PREX1: variants seen among roughly 807,000 people sequenced by gnomAD.
PREX1 encodes the protein phosphatidylinositol 3,4,5-trisphosphate-dependent Rac exchanger 1 protein.
In PREX1, 41 loss-of-function variants were observed where a neutral mutation model predicts 198.3. The observed-to-expected ratio is 0.21, with a 90% CI of 0.16 to 0.27. The LOEUF is 0.27. PREX1 is among the 10% of genes least tolerant of loss of function. PREX1 has a pLI of 1.00. For missense variants in PREX1, 1,620 were observed against 2,200.7 expected (o/e 0.74, Z 5.28); for synonymous variants, 843 against 887.2 (o/e 0.95, Z 0.89).
chr20:48,858,661 T>A, the PREX1 span, among the ~76,000 whole-genome samples: 1 of 152,142 alleles, frequency 6.6e-6, no homozygotes, highest in East Asian at 1.9e-4. Flanking sequence ...ACAGACAGGA[T>A]CCCAGGGTGA....
intron 13 of PREX1, among the ~76,000 whole-genome samples, chr20:48,679,145 T>G (rs2089729406): frequency 6.6e-6 from 1 of 152,184 alleles, no homozygotes; most frequent in Non-Finnish European, 1.5e-5. Flanking sequence ...GCTCAGTCTG[T>G]CTGGCTCCAG....
intron 3 of PREX1, among the ~76,000 whole-genome samples, chr20:48,741,951 GA>G (rs2090084227): frequency 6.6e-6 from 1 of 152,212 alleles, no homozygotes; most frequent in South Asian, 2.1e-4. Flanking sequence ...GGGCTGTGGG[GA>G]TTTTATTCCA....
intron 25 of PREX1, 123 bp downstream of exon 25, chr20:48,649,177 G>T: frequency 7.4e-7 from 1 of 1,346,524 alleles, no homozygotes. Context: ...CTGCTAAATA[G>T]CCTATAATGT....
intron 7 of PREX1, 136 bp downstream of exon 7, chr20:48,700,617 C>G: frequency 8.5e-7 from 1 of 1,173,286 alleles, no homozygotes; most frequent in Non-Finnish European, 1.2e-6. Flanking sequence ...CATTGTATTC[C>G]TACTAGACAG....
At chr20:48,658,105 C>A (rs777093236) in intron 17 of PREX1, 31 bp downstream of exon 17, 2 of 1,596,462 alleles carry the variant, frequency 1.3e-6, no homozygotes, top group Admixed American at 1.7e-5. Context: ...CACCTGCACA[C>A]GGTCCCTGCC....
chr20:48,677,190 G>C (rs1299420102), intron 13 of PREX1, among the ~76,000 whole-genome samples: 2 of 152,168 alleles, frequency 1.3e-5, no homozygotes. Context: ...TTCCTTCTTT[G>C]AGGCTGGCCA....
chr20:48,732,394 T>A (rs2090038221), intron 4 of PREX1, among the ~76,000 whole-genome samples: 1 of 151,458 alleles, frequency 6.6e-6, no homozygotes. Flanking sequence ...TATTTTATAG[T>A]TTAGCACTCT....
At chr20:48,821,819 C>T (rs920426328) in intron 1 of PREX1, 1 of 152,218 alleles carries the variant, frequency 6.6e-6, no homozygotes, top group African/African-American at 2.4e-5. Flanking sequence ...GAGACACCAA[C>T]CCCATTCGCG....
the PREX1 span, among the ~76,000 whole-genome samples, chr20:48,841,353 T>C: frequency 3.6e-4 from 55 of 152,196 alleles, no homozygotes; most frequent in South Asian, 8.3e-4. Context: ...GTTGTAGCAA[T>C]AAAGCAGCCA....
rs1190357128 is a variant in PREX1, at chr20:48,636,573, T to C, written c.4057A>G (p.Asn1353Asp). 6 of 1,611,962 alleles carry C rather than the reference T, an allele frequency of 3.7e-6. No homozygotes were observed. In the Admixed American group the frequency reaches 1.0e-4, roughly 27 times the overall value. ...LAALGYRYNNNGEYEESSRDA... is the reference protein window; with the variant it reads ...LAALGYRYNNDGEYEESSRDA... ...CGGCTGCTCTCCTCGTACTCGCCAT[T>C]GTTGTTGTAGCGGTAGCCCAGGGCC... Residue 1353 changes from asparagine (N) to aspartate (D), a missense_variant, in exon 32 of 40, where the codon AAT becomes GAT. Transcript: ENST00000371941.
At chr20:48,885,342 A>G in the PREX1 span, among the ~76,000 whole-genome samples, 1 of 152,234 alleles carries the variant, frequency 6.6e-6, no homozygotes, top group Non-Finnish European at 1.5e-5. Flanking sequence ...TACATGAATG[A>G]ATGGATGAAG....
intron 1 of PREX1, among the ~76,000 whole-genome samples, chr20:48,805,132 C>A (rs2090406039): frequency 6.6e-6 from 1 of 152,334 alleles, no homozygotes; most frequent in East Asian, 1.9e-4. Flanking sequence ...CAGTGCCCAC[C>A]AGCCTCCTGG....
intron 6 of PREX1, among the ~76,000 whole-genome samples, chr20:48,705,755 A>T (rs2089899974): frequency 6.6e-6 from 1 of 152,194 alleles, no homozygotes; most frequent in African/African-American, 2.4e-5. Context: ...ATAGAAAACA[A>T]TTTCACGTTT....
Position 48,684,345 on chromosome 20 carries a change from G to A in PREX1, c.1335-3010C>T, listed in dbSNP as rs538957756. On this transcript the variant is annotated intron_variant, in intron 10 of 39. Coordinates refer to ENST00000371941, the MANE Select transcript of PREX1 (RefSeq NM_020820.4). This position sits in a 1 kb window ranked among gnomAD's most constrained non-coding sequence, Gnocchi z 4.2. ...GCTCCAAGAGGGTAGGGACTGGGGG[G>A]TACCCAGTGGAATACCCATCCCTGT... Among the ~76,000 whole-genome samples the A allele has an allele frequency of 2.0e-5, 3 of 152,220 alleles. No individual in the cohort carries two copies. The highest frequency in any genetic ancestry group is 7.2e-5 in the African/African-American group (3 of 41,540).
chr20:48,886,219 G>A, the PREX1 span, among the ~76,000 whole-genome samples: 56 of 152,286 alleles, frequency 3.7e-4, no homozygotes, highest in African/African-American at 1.3e-3. Flanking sequence ...ACTCAATTCT[G>A]CTGTGAACTT....
At chr20:48,808,296 C>G (rs1011882222) in intron 1 of PREX1, among the ~76,000 whole-genome samples, 1 of 152,200 alleles carries the variant, frequency 6.6e-6, no homozygotes, top group Non-Finnish European at 1.5e-5. Context: ...ACTCCGGGAG[C>G]ACTTTACATT....
At chr20:48,817,053 A>C (rs1239155303) in intron 1 of PREX1, among the ~76,000 whole-genome samples, 1 of 152,222 alleles carries the variant, frequency 6.6e-6, no homozygotes, top group Non-Finnish European at 1.5e-5. Flanking sequence ...CTGTAAATGA[A>C]ACAGGATGTG....
chr20:48,748,579 C>G (rs1219978152), intron 1 of PREX1, among the ~76,000 whole-genome samples: 1 of 152,146 alleles, frequency 6.6e-6, no homozygotes, highest in African/African-American at 2.4e-5. Flanking sequence ...CCTTCCAGAT[C>G]ATCTCACAAG....
chr20:48,649,631 C>A, intron 24 of PREX1, 55 bp from the exon 25 acceptor site: 5 of 1,517,876 alleles, frequency 3.3e-6, no homozygotes, highest in Non-Finnish European at 4.4e-6. Context: ...ATCCACTGGG[C>A]CTTTGGGCGG....
Sources: allele counts gnomAD v4.1 joint callset (sites outside exome capture counted in the v4.1 genomes callset), GRCh38; gene constraint gnomAD v4.1.1; non-coding constraint Gnocchi (gnomAD v3.1); transcripts MANE v1.5; gene names NCBI Gene and HGNC (gene_info 2026-07-23, HGNC 2026-07-21).